The following GRIN2A variants were observed in gnomAD, a reference collection of about 807,000 sequenced individuals.
GRIN2A encodes the protein glutamate ionotropic receptor NMDA type subunit 2A, also known as glutamate receptor ionotropic, NMDA 2A.
GRIN2A carries 22 observed loss-of-function variants against 113.4 expected under a neutral mutation model. The ratio of observed to expected loss-of-function variants is 0.19; its 90% CI spans 0.14 to 0.28. The LOEUF is 0.28. Ranked by LOEUF, GRIN2A falls within the 10% of genes least tolerant of loss-of-function variation. GRIN2A has a pLI of 1.00. For synonymous variants in GRIN2A, 827 were observed against 738.4 expected (o/e 1.12, Z -1.94); for missense variants, 1,502 against 1,887.0 (o/e 0.80, Z 3.78).
chr16:10,067,983 T>A (rs1049166630), intron 2 of GRIN2A, among the ~76,000 whole-genome samples: 2 of 152,178 alleles, frequency 1.3e-5, no homozygotes, highest in Non-Finnish European at 2.9e-5. Flanking sequence ...CTGTGGAACT[T>A]GGGCAGGTTA....
intron 2 of GRIN2A, among the ~76,000 whole-genome samples, chr16:9,992,208 C>T (rs1330763158): frequency 6.6e-6 from 1 of 152,124 alleles, no homozygotes; most frequent in Non-Finnish European, 1.5e-5. Flanking sequence ...TTCATGGACA[C>T]TTGAAAAGAT....
intron 2 of GRIN2A, among the ~76,000 whole-genome samples, chr16:10,109,392 C>T (rs1013861610): frequency 1.3e-5 from 2 of 151,444 alleles, no homozygotes; most frequent in Non-Finnish European, 2.9e-5. Flanking sequence ...AACTAGTGTT[C>T]AGAAGGCAAT....
chr16:10,056,714 T>C (rs1190290920), intron 2 of GRIN2A, among the ~76,000 whole-genome samples: 1 of 151,978 alleles, frequency 6.6e-6, no homozygotes, highest in Non-Finnish European at 1.5e-5. Context: ...GAGACTAGAA[T>C]GATGTACCTA....
chr16:9,780,554 TG>T (rs371640099), intron 11 of GRIN2A, among the ~76,000 whole-genome samples: 3 of 152,190 alleles, frequency 2.0e-5, no homozygotes, highest in Admixed American at 6.5e-5. Context: ...TGATTACTTG[TG>T]GGGGGCATAT....
chr16:10,120,843 TG>T (rs1485135488), intron 2 of GRIN2A, among the ~76,000 whole-genome samples: 1 of 151,856 alleles, frequency 6.6e-6, no homozygotes, highest in Non-Finnish European at 1.5e-5. Context: ...CCCACTCCCC[TG>T]CCCCATGGTC....
intron 2 of GRIN2A, among the ~76,000 whole-genome samples, chr16:10,070,742 A>G (rs9933111): frequency 0.14 from 21,232 of 152,116 alleles, 2,001 homozygotes; most frequent in African/African-American, 0.27. Flanking sequence ...CAGGTTTTGC[A>G]AACTGGCTAT....
intron 8 of GRIN2A, among the ~76,000 whole-genome samples, chr16:9,832,726 CT>C (rs1567331717): frequency 6.6e-6 from 1 of 152,180 alleles, no homozygotes; most frequent in African/African-American, 2.4e-5. Context: ...CAGAAACTGT[CT>C]CAGATTCCAC....
chr16:10,159,230 C>T (rs1219531702), intron 2 of GRIN2A, among the ~76,000 whole-genome samples: 7 of 152,088 alleles, frequency 4.6e-5, no homozygotes, highest in African/African-American at 1.7e-4. Context: ...ATGTTCCTTC[C>T]AAGCAAGGAA....
intron 2 of GRIN2A, among the ~76,000 whole-genome samples, chr16:9,954,690 G>C (rs564328099): frequency 6.6e-6 from 1 of 152,200 alleles, no homozygotes; most frequent in Admixed American, 6.5e-5. Context: ...ACAAATTAGA[G>C]GTACCCCTGG....
chr16:10,059,106 T>G (rs967535453), intron 2 of GRIN2A, among the ~76,000 whole-genome samples: 2 of 152,110 alleles, frequency 1.3e-5, no homozygotes, highest in Non-Finnish European at 2.9e-5. Context: ...AGGAGGACAG[T>G]CCATGTTGCT....
At position 10,168,975 on chromosome 16, in the gene GRIN2A, CAATAATAATAATAATAAT is replaced by C. The variant is rs59963663; in HGVS notation, c.414+11005_414+11022del. On this transcript the variant is annotated intron_variant, in intron 2 of 12. Coordinates refer to ENST00000330684, the MANE Select transcript of GRIN2A (RefSeq NM_001134407.3). Reference sequence around the variant, plus strand: ...AGCAAAACTCTGTCTCAAATAATAACAATAATAATAATAATAATAATAATAATAATAATAATAATAATA... The same window carrying C: ...AGCAAAACTCTGTCTCAAATAATAACAATAATAATAATAATAATAATAATA... 2.4e-3 allele frequency among the ~76,000 whole-genome samples: 337 copies of C among 141,540 alleles called. 1 individual carries two copies. Among genetic ancestry groups the C allele is most frequent in the African/African-American group, 7.4e-3 (281 of 38,162 alleles). 92.9% of individuals were successfully genotyped at this position (141,540 alleles called of 152,430 possible).
intron 2 of GRIN2A, chr16:10,112,921 C>A: frequency 2.4e-6 from 1 of 416,346 alleles, no homozygotes; most frequent in Non-Finnish European, 4.6e-6. Flanking sequence ...AGGGAGCATA[C>A]CCCAGTGTCC....
intron 4 of GRIN2A, among the ~76,000 whole-genome samples, chr16:9,887,049 G>A (rs182756763): frequency 5.3e-5 from 8 of 152,154 alleles, no homozygotes; most frequent in African/African-American, 7.2e-5. Context: ...ACCATGCCGG[G>A]CTAATTTTTT....
chr16:9,756,682 A>T lies in GRIN2A; in HGVS notation c.*6467T>A, dbSNP rs1159522512. 1.6e-5 allele frequency: 3 copies of T among 189,250 alleles called. No individual in the cohort carries two copies. Among genetic ancestry groups the T allele is most frequent in the Non-Finnish European group, 3.3e-5 (3 of 90,088 alleles). 11.7% of individuals were successfully genotyped at this position (189,250 alleles called of 1,614,324 possible). A position where few individuals can be genotyped will look rare whatever the true frequency, so the allele number is the denominator to read the frequency against. On this transcript the variant is annotated 3_prime_UTR_variant, in exon 13 of 13. Transcript: ENST00000330684. ...GTTGTTTTGAGGATCACATTCTAGG[A>T]TATGCCTAGAATATCGCCTACACTC...
At chr16:10,045,273 T>C (rs2047238345) in intron 2 of GRIN2A, among the ~76,000 whole-genome samples, 1 of 152,312 alleles carries the variant, frequency 6.6e-6, no homozygotes, top group East Asian at 1.9e-4. Flanking sequence ...ATAACACAGA[T>C]GGCCTCCTTC....
chr16:10,078,836 G>A (rs781642319), intron 2 of GRIN2A, among the ~76,000 whole-genome samples: 1 of 152,238 alleles, frequency 6.6e-6, no homozygotes, highest in Non-Finnish European at 1.5e-5. Flanking sequence ...GGCAGATCCC[G>A]GAAAGGGAGC....
chr16:10,168,966 AAAT>A (rs1875275978), intron 2 of GRIN2A, among the ~76,000 whole-genome samples: 1 of 115,668 alleles, frequency 8.6e-6, no homozygotes, highest in Admixed American at 8.9e-5. Flanking sequence ...ACTCTGTCTC[AAAT>A]AATAACAATA....
Position 9,829,489 on chromosome 16 carries a change from G to T in GRIN2A, c.1941C>A (p.Ala647=). ...CTTGGATCATGAAGGCAGCCAGATT[G>T]GCTGTGTAGCTAGCCAGGAATATGA... The part of the protein sequence containing the change: ...FAVIFLASYT[A]NLAAFMIQEE... The change falls in exon 9 of 13, where the codon GCC becomes GCA. Residue 647 remains alanine, a synonymous_variant. Transcript: ENST00000330684. 1 of 1,614,016 alleles carries T rather than the reference G, an allele frequency of 6.2e-7. No individual in the cohort carries two copies. Among genetic ancestry groups the T allele is most frequent in the Non-Finnish European group, 8.5e-7 (1 of 1,179,916 alleles).
chr16:9,812,197 C>T (rs2042100211), intron 10 of GRIN2A, among the ~76,000 whole-genome samples: 1 of 152,110 alleles, frequency 6.6e-6, no homozygotes, highest in Non-Finnish European at 1.5e-5. Context: ...TCTCTCAATG[C>T]CTGTTTCCTC....
Sources: gnomAD v4.1 joint callset for allele counts (sites outside exome capture counted in the v4.1 genomes callset) on GRCh38, gnomAD v4.1.1 for gene constraint, MANE v1.5 for transcripts, NCBI Gene and HGNC (gene_info 2026-07-23, HGNC 2026-07-21) for gene names.